CENPH: variants seen among roughly 807,000 people sequenced by gnomAD.
The protein encoded by CENPH is centromere protein H.
In CENPH, 40 loss-of-function variants were observed where a neutral mutation model predicts 42.9. The ratio of observed to expected loss-of-function variants is 0.93; its 90% CI spans 0.72 to 1.21. The LOEUF (loss-of-function observed/expected upper bound fraction) is 1.21, where lower values mean the gene tolerates loss of function less well. Among genes scored for constraint, CENPH ranks in the 50% most tolerant of loss-of-function variants. The pLI, the probability that CENPH is intolerant of heterozygous loss-of-function variation, is 0.00. For synonymous variants in CENPH, 88 were observed against 96.5 expected, an observed-to-expected ratio of 0.91 and a Z score of 0.52; for missense variants, 302 against 292.9, an observed-to-expected ratio of 1.03 and a Z score of -0.23.
intron 1 of CENPH, among the ~76,000 whole-genome samples, chr5:69,191,566 GT>G (rs36103480): frequency 6.6e-6 from 1 of 152,130 alleles, no homozygotes; most frequent in Non-Finnish European, 1.5e-5. Flanking sequence ...GACAGATGCT[GT>G]TTTCCCAGTG....
At position 69,201,200 on chromosome 5, in the gene CENPH, G is replaced by A. The variant is rs140875577; in HGVS notation, c.372-1306G>A. ...ACCTCCCAGATGACTGTGGCACTCT[G>A]AAGTATGAGAGCCACTGCTCTGCGC... On this transcript the variant is annotated intron_variant, in intron 5 of 8. Coordinates refer to ENST00000283006, the MANE Select transcript of CENPH (RefSeq NM_022909.4). Among the ~76,000 whole-genome samples the A allele has an allele frequency of 2.1e-3, 314 of 152,184 alleles. 1 individual carries two copies. Among genetic ancestry groups the A allele is most frequent in the Non-Finnish European group, 3.8e-3 (261 of 68,008 alleles).
intron 2 of CENPH, among the ~76,000 whole-genome samples, chr5:69,193,940 T>A (rs927753969): frequency 2.6e-5 from 4 of 152,108 alleles, no homozygotes; most frequent in African/African-American, 9.7e-5. Flanking sequence ...GCATGAGCCA[T>A]CACACCCCTG....
rs200621400 is a variant in CENPH, at chr5:69,209,732, A to T, written c.677A>T (p.Asn226Ile). Reference protein sequence around the residue: ...FQNLILGSKVNWAEDPALKEI... With the variant: ...FQNLILGSKVIWAEDPALKEI... ...AACCTTATTTTGGGGAGTAAAGTCA[A>T]TTGGGCAGAGGATCCTGCCCTTAAG... The change falls in exon 9 of 9, where the codon AAT (asparagine) becomes ATT (isoleucine). Residue 226 changes from asparagine to isoleucine, a missense_variant. By Grantham distance (149) the Asn-to-Ile change is moderately radical (BLOSUM62 -3). Transcript: ENST00000283006. 15 of 1,602,112 alleles carry T rather than the reference A, an allele frequency of 9.4e-6. No individual in the cohort carries two copies. In the South Asian group the frequency reaches 1.7e-4, roughly 18 times the overall value.
chr5:69,191,313 C>G (rs1747867311), intron 1 of CENPH, among the ~76,000 whole-genome samples: 1 of 152,158 alleles, frequency 6.6e-6, no homozygotes, highest in Non-Finnish European at 1.5e-5. Context: ...GAGATCAAGA[C>G]CATCCTGGCT....
At chr5:69,199,783 G>C (rs952577366) in intron 5 of CENPH, among the ~76,000 whole-genome samples, 1 of 152,104 alleles carries the variant, frequency 6.6e-6, no homozygotes, top group African/African-American at 2.4e-5. Context: ...TCAGTTCTGT[G>C]GGACAATTGG....
rs1336051476 is a variant in CENPH at position 69,209,846 on chromosome 5, CTT to C, written c.*48_*49del. ...TTTTACATTTCTGGCAATCTCAACT[CTT>C]ATTTGGAATACTTCTGTGCATTTGT... On this transcript the variant is annotated 3_prime_UTR_variant, in exon 9 of 9. Transcript: ENST00000283006. The C allele has an allele frequency of 1.9e-6, 2 of 1,072,428 alleles. No individual in the cohort carries two copies. Among genetic ancestry groups the C allele is most frequent in the African/African-American group, 3.1e-5 (2 of 64,240 alleles). The allele number at this position is 1,072,428 out of a possible 1,614,324, so 66.4% of individuals were successfully genotyped here. A position where few individuals can be genotyped will look rare whatever the true frequency, so the allele number is the denominator to read the frequency against.
chr5:69,192,309 G>A (rs1363266786), intron 2 of CENPH, among the ~76,000 whole-genome samples: 2 of 152,194 alleles, frequency 1.3e-5, no homozygotes, highest in Non-Finnish European at 2.9e-5. Context: ...CTAAGAAGAT[G>A]ATTTTAGAGC....
At chr5:69,193,095 C>G (rs1747904169) in intron 2 of CENPH, among the ~76,000 whole-genome samples, 1 of 151,308 alleles carries the variant, frequency 6.6e-6, no homozygotes, top group African/African-American at 2.4e-5. Context: ...AAAACTCCGT[C>G]TCAAAAACAA....
intron 7 of CENPH, among the ~76,000 whole-genome samples, chr5:69,204,930 T>G (rs1308704556): frequency 6.9e-6 from 1 of 145,920 alleles, no homozygotes; most frequent in African/African-American, 2.5e-5. Flanking sequence ...TTTTTTTTTT[T>G]TTTTTTGAGA....
chr5:69,201,688 G>A (rs1047331137), intron 5 of CENPH, among the ~76,000 whole-genome samples: 20 of 152,176 alleles, frequency 1.3e-4, no homozygotes, highest in Admixed American at 1.1e-3. Flanking sequence ...GGGAGACCCC[G>A]TCTCTACAAA....
rs748834573 is a variant in CENPH, at chr5:69,189,724, C to A, written c.90C>A (p.Gly30=). The change falls in exon 1 of 9, where the codon GGC becomes GGA. Residue 30 remains glycine (G), a synonymous_variant. Coordinates refer to ENST00000283006, the MANE Select transcript of CENPH (RefSeq NM_022909.4). ...CAGGCGGGCCACCGCAGGTCGCCGG[C>A]GCCCAGGCGGCGTGCAGCGAGGACC... ...GRAGGPPQVA[G]AQAACSEDRM... is the part of the protein sequence containing the mutation. 4.5e-6 allele frequency: 7 copies of A among 1,558,432 alleles called. No individual in the cohort carries two copies. The highest frequency in any genetic ancestry group is 6.1e-6 in the Non-Finnish European group (7 of 1,155,354).
intron 7 of CENPH, among the ~76,000 whole-genome samples, chr5:69,205,818 T>C (rs1229673489): frequency 7.3e-5 from 11 of 149,862 alleles, no homozygotes; most frequent in East Asian, 6.0e-4. Flanking sequence ...ACACCATTCT[T>C]CTGCCTCAGC....
In CENPH at chr5:69,191,777, C is replaced by A. The variant is rs886930607; in HGVS notation, c.135-18C>A. Reference sequence around the variant, plus strand: ...ATCAATAAATATGTGACTTTATATTCTCTTTATCTGTTTTCAGGCTGAGAG... The same window carrying A: ...ATCAATAAATATGTGACTTTATATTATCTTTATCTGTTTTCAGGCTGAGAG... On this transcript the variant is annotated intron_variant, in intron 1 of 8. Coordinates refer to ENST00000283006, the MANE Select transcript of CENPH (RefSeq NM_022909.4). 4.1e-6 allele frequency: 6 copies of A among 1,470,990 alleles called. No homozygotes were observed. The African/African-American group carries it at 8.4e-5, about 21-fold the overall frequency. The allele number at this position is 1,470,990 out of a possible 1,614,324, so 91.1% of individuals were successfully genotyped here. A position where few individuals can be genotyped will look rare whatever the true frequency, so the allele number is the denominator to read the frequency against.
chr5:69,197,259 C>A, intron 5 of CENPH, 150 bp downstream of exon 5: 1 of 452,992 alleles, frequency 2.2e-6, no homozygotes, highest in South Asian at 6.3e-5. Context: ...CCCAGAATTA[C>A]AGCAACTTTT....
intron 5 of CENPH, among the ~76,000 whole-genome samples, chr5:69,200,019 A>G (rs759510469): frequency 2.6e-5 from 4 of 151,040 alleles, no homozygotes; most frequent in African/African-American, 9.7e-5. Flanking sequence ...AGGCTGAGGC[A>G]GGAAAATCGC....
intron 1 of CENPH, 73 bp from the exon 2 acceptor site, chr5:69,191,709 AAAGAATGAGTTGG>A: frequency 1.3e-6 from 1 of 762,062 alleles, no homozygotes; most frequent in Non-Finnish European, 2.3e-6. Context: ...AGCTTCCGAA[AAAGAATGAGTTGG>A]TTCGTCATGT....
chr5:69,198,928 G>A (rs1015421492), intron 5 of CENPH, among the ~76,000 whole-genome samples: 1 of 144,834 alleles, frequency 6.9e-6, no homozygotes. Context: ...CTGGGCAATA[G>A]TAAGACCCCA....
chr5:69,207,426 T>G (rs1433280957), intron 7 of CENPH, among the ~76,000 whole-genome samples: 1 of 151,734 alleles, frequency 6.6e-6, no homozygotes, highest in African/African-American at 2.4e-5. Flanking sequence ...TGACCTCAGG[T>G]GATCCGCCCA....
At chr5:69,193,566 G>A (rs1199023724) in intron 2 of CENPH, among the ~76,000 whole-genome samples, 2 of 150,882 alleles carry the variant, frequency 1.3e-5, no homozygotes, top group African/African-American at 4.9e-5. Context: ...GCAGTGAGCC[G>A]AGATCACACC....
Sources: gnomAD v4.1 joint callset for allele counts (sites outside exome capture counted in the v4.1 genomes callset) on GRCh38, gnomAD v4.1.1 for gene constraint, MANE v1.5 for transcripts, NCBI Gene and HGNC (gene_info 2026-07-23, HGNC 2026-07-21) for gene names.